Variants in COLGALT2 observed in about 807,000 individuals in gnomAD.
COLGALT2 encodes procollagen galactosyltransferase 2.
A neutral mutation model predicts 73.4 loss-of-function variants in COLGALT2; 49 were observed. The observed-to-expected ratio is 0.67, with a 90% confidence interval of 0.53 to 0.85. The LOEUF (loss-of-function observed/expected upper bound fraction) is 0.85, where lower values mean the gene tolerates loss of function less well. Ranked by LOEUF, COLGALT2 falls within the 40% of genes least tolerant of loss-of-function variation. The probability of loss-of-function intolerance (pLI) is 0.00; values close to 1 mark genes in which losing one functional copy is unlikely to be tolerated. For missense variants in COLGALT2, 722 were observed against 790.2 expected, an observed-to-expected ratio of 0.91 and a Z score of 1.03; for synonymous variants, 295 against 307.6, an observed-to-expected ratio of 0.96 and a Z score of 0.43.
chr1:183,960,753 G>T (rs1020241414), intron 6 of COLGALT2, among the ~76,000 whole-genome samples: 1 of 151,964 alleles, frequency 6.6e-6, no homozygotes, highest in Non-Finnish European at 1.5e-5. Context: ...AACGCTATGT[G>T]ATTCTTTTTG....
rs1670039281 is a variant in COLGALT2, at chr1:183,939,024, C to G, written c.1618G>C (p.Glu540Gln). 1 of 1,610,754 alleles carries G rather than the reference C, an allele frequency of 6.2e-7. No individual in the cohort carries two copies. The highest frequency in any genetic ancestry group is 8.5e-7 in the Non-Finnish European group (1 of 1,177,308). ...YNKHPVAEYK[E>Q]YYESRDLKAF... The stretch of plus-strand genomic sequence containing the variant: ...TTCAGGTCCCTGGATTCATAATACT[C>G]CTTGTACTCGGCTCTGAAAACAAGA... The change falls in exon 12 of 12, where the codon GAG becomes CAG. Residue 540 changes from glutamate (E) to glutamine (Q), a missense_variant. Glu to Gln is a conservative substitution (Grantham distance 29, BLOSUM62 2). Transcript: ENST00000361927.
chr1:184,037,630 C>T lies in COLGALT2; in HGVS notation c.-273G>A. ...GCCTCGGGCTCGCAGACAGTAGTGGCCGAGGGGCTGTGTGCCCTGAGTCCT... is the reference window on the plus strand; with the variant it reads ...GCCTCGGGCTCGCAGACAGTAGTGGTCGAGGGGCTGTGTGCCCTGAGTCCT... On this transcript the variant is annotated 5_prime_UTR_variant, in exon 1 of 12. Coordinates refer to ENST00000361927, the MANE Select transcript of COLGALT2 (RefSeq NM_015101.4). The T allele has an allele frequency of 3.8e-6, 4 of 1,054,638 alleles. No individual in the cohort carries two copies. Among genetic ancestry groups the T allele is most frequent in the Non-Finnish European group, 4.6e-6 (4 of 875,720 alleles). The allele number at this position is 1,054,638 out of a possible 1,614,324, so 65.3% of individuals were successfully genotyped here.
At chr1:184,000,698 A>C (rs1671896000) in intron 1 of COLGALT2, among the ~76,000 whole-genome samples, 1 of 151,940 alleles carries the variant, frequency 6.6e-6, no homozygotes, top group Non-Finnish European at 1.5e-5. Context: ...GATTTAGGTG[A>C]TTCTTTACCT....
intron 1 of COLGALT2, among the ~76,000 whole-genome samples, chr1:183,992,690 T>A (rs760573241): frequency 2.0e-5 from 3 of 152,224 alleles, no homozygotes; most frequent in African/African-American, 4.8e-5. Flanking sequence ...GTTGAAAGGA[T>A]GCCTGATGCA....
At chr1:183,954,519 A>G (rs1670500405) in intron 7 of COLGALT2, among the ~76,000 whole-genome samples, 2 of 152,254 alleles carry the variant, frequency 1.3e-5, no homozygotes, top group Admixed American at 6.5e-5. Flanking sequence ...ATTCACTTTC[A>G]TTACTAAATG....
Position 183,973,766 on chromosome 1 carries a change from G to T in COLGALT2, c.493-16C>A. On this transcript the variant is annotated splice_polypyrimidine_tract_variant and intron_variant, in intron 3 of 11. Coordinates refer to ENST00000361927, the MANE Select transcript of COLGALT2 (RefSeq NM_015101.4). Reference sequence around the variant, plus strand: ...CATCTATGAACTAGGAAAAGAAAAGGATAATGTTAGGTGAAAAGGTACTTT... The same window carrying T: ...CATCTATGAACTAGGAAAAGAAAAGTATAATGTTAGGTGAAAAGGTACTTT... The T allele has an allele frequency of 6.2e-7, 1 of 1,611,172 alleles. No homozygotes were observed. The highest frequency in any genetic ancestry group is 8.5e-7 in the Non-Finnish European group (1 of 1,178,234).
At chr1:183,998,772 T>A (rs1206949308) in intron 1 of COLGALT2, among the ~76,000 whole-genome samples, 1 of 152,086 alleles carries the variant, frequency 6.6e-6, no homozygotes, top group African/African-American at 2.4e-5. Flanking sequence ...TTCATAAAGA[T>A]ATTATTTTTG....
At chr1:184,037,071 G>T (rs1222848049) in intron 1 of COLGALT2, 24 bp downstream of exon 1, 9 of 1,483,764 alleles carry the variant, frequency 6.1e-6, no homozygotes, top group Non-Finnish European at 8.0e-6. Flanking sequence ...CCGCCGCGGC[G>T]GCCCGGGGCC....
intron 2 of COLGALT2, among the ~76,000 whole-genome samples, chr1:183,977,337 G>A (rs555710242): frequency 5.5e-4 from 84 of 152,064 alleles, no homozygotes; most frequent in African/African-American, 2.0e-3. Context: ...TGGGTGTGGT[G>A]GCACACACCT....
chr1:183,944,322 A>G lies in COLGALT2; in HGVS notation c.1271T>C (p.Val424Ala). The G allele has an allele frequency of 6.2e-7, 1 of 1,612,112 alleles. No individual in the cohort carries two copies. Among genetic ancestry groups the G allele is most frequent in the Non-Finnish European group, 8.5e-7 (1 of 1,179,382 alleles). Residue 424 changes from valine (V) to alanine (A), a missense_variant and splice_region_variant, in exon 10 of 12, where the codon GTA becomes GCA. Physicochemically the swap from Val to Ala is moderately conservative, Grantham distance 64. Coordinates refer to ENST00000361927, the MANE Select transcript of COLGALT2 (RefSeq NM_015101.4). ...FLSHYSVWKE[V>A]IDRELEKTLV... ...AGTCTTCTCTAGCTCTCGATCAATT[A>G]CCTGCAAAAGTCATCAGTAGGAAGA...
intron 4 of COLGALT2, among the ~76,000 whole-genome samples, chr1:183,972,784 C>T (rs1484495917): frequency 6.6e-6 from 1 of 151,952 alleles, no homozygotes; most frequent in Non-Finnish European, 1.5e-5. Context: ...ACTGCAAGCT[C>T]CGCCTCCCAA....
intron 7 of COLGALT2, among the ~76,000 whole-genome samples, chr1:183,952,402 A>C (rs1670426829): frequency 6.6e-6 from 1 of 152,120 alleles, no homozygotes; most frequent in South Asian, 2.1e-4. Flanking sequence ...AGGTGCACAA[A>C]CTCATCTTTC....
chr1:183,981,897 A>T (rs2986570), intron 1 of COLGALT2, among the ~76,000 whole-genome samples: 95,873 of 152,096 alleles, frequency 0.63, 32,198 homozygotes, highest in Non-Finnish European at 0.76. Flanking sequence ...AAATACCAAG[A>T]AACTTAAAAC....
rs1290539364 is a variant in COLGALT2, at chr1:183,964,029, C to A, written c.833-9G>T. On this transcript the variant is annotated splice_polypyrimidine_tract_variant and intron_variant, in intron 5 of 11. Coordinates refer to ENST00000361927, the MANE Select transcript of COLGALT2 (RefSeq NM_015101.4). ...GAGGTACATCTGGATGCCTGAGGAT[C>A]CAAGAGAGGGACAAAGCCAACAATC... The A allele has an allele frequency of 1.2e-6, 2 of 1,612,188 alleles. No individual in the cohort carries two copies. The highest frequency in any genetic ancestry group is 1.7e-5 in the Admixed American group (1 of 59,762).
intron 6 of COLGALT2, among the ~76,000 whole-genome samples, chr1:183,961,878 C>T (rs558453074): frequency 7.2e-5 from 11 of 152,208 alleles, no homozygotes; most frequent in South Asian, 2.1e-4. Flanking sequence ...TAAAGAAATT[C>T]GCAAAGGAGA....
chr1:183,971,729 A>C (rs968047945), intron 4 of COLGALT2, among the ~76,000 whole-genome samples: 9 of 152,232 alleles, frequency 5.9e-5, no homozygotes, highest in African/African-American at 2.2e-4. Flanking sequence ...TGGACCACAC[A>C]TTGTTAAATT....
Position 183,938,490 on chromosome 1 carries a change from C to T in COLGALT2, c.*271G>A. The T allele has an allele frequency of 7.7e-7, 1 of 1,306,390 alleles. No homozygotes were observed. The highest frequency in any genetic ancestry group is 9.8e-7 in the Non-Finnish European group (1 of 1,022,588). 80.9% of individuals were successfully genotyped at this position (1,306,390 alleles called of 1,614,324 possible). On this transcript the variant is annotated 3_prime_UTR_variant, in exon 12 of 12. Transcript: ENST00000361927. ...GAATCAGTATCACATGAGTAGTGAA[C>T]TGAAGAATTAGGTGTCTGGATTACA... is the stretch of plus-strand genomic sequence containing the variant.
intron 1 of COLGALT2, among the ~76,000 whole-genome samples, chr1:184,025,891 T>C (rs1242935257): frequency 6.6e-6 from 1 of 152,216 alleles, no homozygotes; most frequent in Non-Finnish European, 1.5e-5. Context: ...GTTATCCCCA[T>C]GAAGAGGAAA....
In COLGALT2 at chr1:183,963,026, C is replaced by G. The variant is rs143976287; in HGVS notation, c.952+875G>C. Reference sequence around the variant, plus strand: ...TACTGATGAATAACAGAAAATAGTCCCTGCTTTGGGAAGCCATTTCAACAT... The same window carrying G: ...TACTGATGAATAACAGAAAATAGTCGCTGCTTTGGGAAGCCATTTCAACAT... On this transcript the variant is annotated intron_variant, in intron 6 of 11. Coordinates refer to ENST00000361927, the MANE Select transcript of COLGALT2 (RefSeq NM_015101.4). Among the ~76,000 whole-genome samples, 4 of 152,240 alleles carry G rather than the reference C, an allele frequency of 2.6e-5. No individual in the cohort carries two copies. The East Asian group carries it at 5.8e-4, about 22-fold the overall frequency.
Sources: gnomAD v4.1 joint callset for allele counts (sites outside exome capture counted in the v4.1 genomes callset) on GRCh38, gnomAD v4.1.1 for gene constraint, MANE v1.5 for transcripts, NCBI Gene and HGNC (gene_info 2026-07-23, HGNC 2026-07-21) for gene names.